Variants in HPSE2 observed in about 807,000 individuals in gnomAD.
HPSE2 encodes the protein heparanase 2 (inactive), also known as inactive heparanase-2.
Under a neutral mutation model 60.5 loss-of-function variants are expected in HPSE2, and 38 were observed. The ratio of observed to expected loss-of-function variants is 0.63; its 90% CI spans 0.48 to 0.82. The LOEUF is 0.82. Ranked by LOEUF, HPSE2 falls within the 40% of genes least tolerant of loss-of-function variation. The pLI is 0.00. For synonymous variants in HPSE2, 295 were observed against 293.2 expected, an observed-to-expected ratio of 1.01 and a Z score of -0.06; for missense variants, 713 against 740.4, an observed-to-expected ratio of 0.96 and a Z score of 0.43.
chr10:98,645,840 TG>T (rs777999246), intron 6 of HPSE2, among the ~76,000 whole-genome samples: 1 of 151,848 alleles, frequency 6.6e-6, no homozygotes, highest in Non-Finnish European at 1.5e-5. Flanking sequence ...CGGGGCGTGG[TG>T]GGGGGCGCCT....
intron 3 of HPSE2, among the ~76,000 whole-genome samples, chr10:99,054,218 CAGTT>C (rs1958057625): frequency 6.6e-6 from 1 of 152,100 alleles, no homozygotes. Context: ...ACTTAATTCA[CAGTT>C]AGATAGTGCT....
intron 3 of HPSE2, among the ~76,000 whole-genome samples, chr10:98,972,328 C>G (rs1955975446): frequency 6.6e-6 from 1 of 151,694 alleles, no homozygotes; most frequent in South Asian, 2.1e-4. Flanking sequence ...ATATTCTTTC[C>G]TTATGTTATG....
intron 3 of HPSE2, among the ~76,000 whole-genome samples, chr10:98,781,270 C>T (rs2218456): frequency 2.7e-5 from 4 of 148,710 alleles, no homozygotes; most frequent in Admixed American, 2.0e-4. Context: ...GAAAGAAAAA[C>T]ACCCATATAT....
intron 3 of HPSE2, among the ~76,000 whole-genome samples, chr10:98,845,279 G>C (rs960466752): frequency 6.6e-6 from 1 of 152,242 alleles, no homozygotes; most frequent in East Asian, 1.9e-4. Flanking sequence ...AATCAAGGCT[G>C]TAGTGCTGGA....
At chr10:99,132,215 G>GAAAGAAAGGA (rs1845453018) in intron 3 of HPSE2, among the ~76,000 whole-genome samples, 1 of 20,888 alleles carries the variant, frequency 4.8e-5, no homozygotes, top group Admixed American at 6.9e-4. Flanking sequence ...GAGAGAGAGA[G>GAAAGAAAGGA]AGAGAGAGAG....
intron 6 of HPSE2, among the ~76,000 whole-genome samples, chr10:98,691,392 T>C (rs970992021): frequency 6.6e-6 from 1 of 152,292 alleles, no homozygotes; most frequent in East Asian, 1.9e-4. Flanking sequence ...ACAAAATGTA[T>C]TTATTAAAAA....
chr10:99,175,359 T>G (rs751089594), intron 2 of HPSE2, among the ~76,000 whole-genome samples: 1 of 152,168 alleles, frequency 6.6e-6, no homozygotes, highest in Non-Finnish European at 1.5e-5. Flanking sequence ...CCCAGCAAGC[T>G]AAGATCCACT....
intron 3 of HPSE2, among the ~76,000 whole-genome samples, chr10:98,827,091 C>A (rs1951566117): frequency 6.6e-6 from 1 of 151,964 alleles, no homozygotes; most frequent in Non-Finnish European, 1.5e-5. Flanking sequence ...TTAGAGGCTG[C>A]AATGAGCTAG....
In HPSE2 at chr10:98,620,717, A is replaced by G. The variant is rs376566722; in HGVS notation, c.1099-9T>C. ...GTGTATGTATTAACCACCTGTTTAC[A>G]CAACAAAAGCAGAAGGGGATAACGA... On this transcript the variant is annotated splice_polypyrimidine_tract_variant and intron_variant, in intron 7 of 11. Transcript: ENST00000370552. The G allele has an allele frequency of 3.8e-4, 598 of 1,591,426 alleles. No individual in the cohort carries two copies. Among genetic ancestry groups the G allele is most frequent in the Non-Finnish European group, 4.9e-4 (566 of 1,159,966 alleles).
chr10:98,884,689 C>A lies in HPSE2; in HGVS notation c.611-140633G>T, dbSNP rs114980127. Among the ~76,000 whole-genome samples the A allele has an allele frequency of 4.0e-3, 605 of 152,184 alleles. 1 individual carries two copies. The highest frequency in any genetic ancestry group is 0.014 in the African/African-American group (581 of 41,538). On this transcript the variant is annotated intron_variant, in intron 3 of 11. Coordinates refer to ENST00000370552, the MANE Select transcript of HPSE2 (RefSeq NM_021828.5). ...CACCAGGGACTGGTTTTGTGGAAGA[C>A]AATTTTTTCATGGATGGTGGAGGTA...
chr10:98,516,185 C>A (rs560186748), intron 9 of HPSE2, among the ~76,000 whole-genome samples: 2 of 152,296 alleles, frequency 1.3e-5, no homozygotes, highest in Non-Finnish European at 2.9e-5. Context: ...CATATATTAT[C>A]TCATTGAATT....
At chr10:99,177,932 C>T (rs537227782) in intron 2 of HPSE2, among the ~76,000 whole-genome samples, 2 of 152,124 alleles carry the variant, frequency 1.3e-5, no homozygotes, top group Middle Eastern at 3.4e-3. Context: ...TCTCAGACCA[C>T]GGTGCAATCA....
chr10:98,943,267 T>C (rs926322109), intron 3 of HPSE2, among the ~76,000 whole-genome samples: 5 of 151,132 alleles, frequency 3.3e-5, no homozygotes, highest in East Asian at 1.9e-4. Context: ...AAAAAATAAA[T>C]AAATAAAAAT....
the HPSE2 span, among the ~76,000 whole-genome samples, chr10:99,255,596 G>A: frequency 1.5e-5 from 2 of 130,538 alleles, no homozygotes; most frequent in Admixed American, 7.6e-5. Context: ...ACACACACAC[G>A]ACTACAATAG....
chr10:98,767,145 T>C (rs1950137672), intron 3 of HPSE2, among the ~76,000 whole-genome samples: 1 of 152,184 alleles, frequency 6.6e-6, no homozygotes, highest in Non-Finnish European at 1.5e-5. Context: ...ATGTCATATT[T>C]AATAGTGAAA....
chr10:99,207,053 AG>A (rs1422644188), intron 2 of HPSE2, among the ~76,000 whole-genome samples: 2 of 152,174 alleles, frequency 1.3e-5, no homozygotes, highest in African/African-American at 4.8e-5. Flanking sequence ...GGCACAGGAA[AG>A]TCAAAGATCT....
At chr10:98,694,974 G>A (rs1278606182) in intron 5 of HPSE2, among the ~76,000 whole-genome samples, 1 of 152,166 alleles carries the variant, frequency 6.6e-6, no homozygotes. Context: ...GAGAAGGATG[G>A]TGTTTTGTCT....
intron 2 of HPSE2, among the ~76,000 whole-genome samples, chr10:99,148,789 C>T (rs1242731322): frequency 1.0e-4 from 4 of 39,798 alleles, no homozygotes; most frequent in African/African-American, 1.8e-4. Context: ...AAACTCCACT[C>T]AATCAATCAA....
chr10:99,101,549 A>C (rs942394779), intron 3 of HPSE2, among the ~76,000 whole-genome samples: 2 of 152,222 alleles, frequency 1.3e-5, no homozygotes, highest in African/African-American at 4.8e-5. Flanking sequence ...GGGAAACTTT[A>C]ACACCCCACT....
Sources: gnomAD v4.1 joint callset for allele counts (sites outside exome capture counted in the v4.1 genomes callset) on GRCh38, gnomAD v4.1.1 for gene constraint, MANE v1.5 for transcripts, NCBI Gene and HGNC (gene_info 2026-07-23, HGNC 2026-07-21) for gene names.